The following QTGAL variants were observed in gnomAD, a reference collection of about 807,000 sequenced individuals.
QTGAL encodes queuosine-tRNA galactosyltransferase, also known as BGnT-like protein 1.
At chr17:82,965,948 G>A in the QTGAL span, among the ~76,000 whole-genome samples, 4 of 152,116 alleles carry the variant, frequency 2.6e-5, no homozygotes, top group African/African-American at 4.8e-5. Flanking sequence ...GCTTCATGAC[G>A]TGGCTGACGT....
the QTGAL span, among the ~76,000 whole-genome samples, chr17:82,964,489 C>A: frequency 6.6e-6 from 1 of 152,106 alleles, no homozygotes; most frequent in Non-Finnish European, 1.5e-5. Context: ...GTATTTAAAA[C>A]GGACGCCTAC....
At chr17:82,948,222 C>A in the QTGAL span, 1 of 152,134 alleles carries the variant, frequency 6.6e-6, no homozygotes, top group African/African-American at 2.4e-5. Flanking sequence ...ACACCTGAAA[C>A]CACCATGAGA....
chr17:82,965,159 C>T, the QTGAL span, among the ~76,000 whole-genome samples: 17 of 131,516 alleles, frequency 1.3e-4, no homozygotes, highest in East Asian at 8.9e-4. Flanking sequence ...TGCACTCCCA[C>T]GGGGGGGATG....
At chr17:83,013,778 G>A in the QTGAL span, among the ~76,000 whole-genome samples, 1 of 152,156 alleles carries the variant, frequency 6.6e-6, no homozygotes, top group Non-Finnish European at 1.5e-5. Flanking sequence ...GTGGGCGCTG[G>A]ACAGTTATGG....
the QTGAL span, among the ~76,000 whole-genome samples, chr17:83,018,603 G>T: frequency 6.6e-6 from 1 of 152,344 alleles, no homozygotes. Flanking sequence ...ACATGTCAGG[G>T]TTAAAATTGG....
the QTGAL span, among the ~76,000 whole-genome samples, chr17:83,002,664 C>T: frequency 5.3e-3 from 812 of 152,310 alleles, 8 homozygotes; most frequent in African/African-American, 0.018. Flanking sequence ...AGACGGCAGC[C>T]AGTCATACCC....
the QTGAL span, among the ~76,000 whole-genome samples, chr17:82,979,162 G>A: frequency 6.6e-6 from 1 of 152,138 alleles, no homozygotes; most frequent in Non-Finnish European, 1.5e-5. Flanking sequence ...AAAAACAATA[G>A]AGGAAAGTCA....
the QTGAL span, among the ~76,000 whole-genome samples, chr17:83,047,957 T>C: frequency 6.6e-6 from 1 of 152,244 alleles, no homozygotes; most frequent in South Asian, 2.1e-4. Context: ...TTTTCTTTCT[T>C]TTTCTCTTTC....
chr17:82,957,617 G>A, the QTGAL span: 1 of 1,312,358 alleles, frequency 7.6e-7, no homozygotes, highest in South Asian at 1.5e-5. Context: ...CTGGCCCAAT[G>A]CCTAAGAGAG....
the QTGAL span, among the ~76,000 whole-genome samples, chr17:82,968,645 G>A: frequency 8.9e-3 from 1,358 of 152,292 alleles, 12 homozygotes; most frequent in African/African-American, 0.026. Context: ...GACAGACGTC[G>A]CATCTGTGGA....
chr17:83,050,674 G>T, the QTGAL span, among the ~76,000 whole-genome samples: 4 of 152,220 alleles, frequency 2.6e-5, no homozygotes, highest in African/African-American at 9.6e-5. Context: ...CTATTGGCTG[G>T]GTCTGAACCC....
At chr17:83,035,558 G>C in the QTGAL span, among the ~76,000 whole-genome samples, 2 of 125,298 alleles carry the variant, frequency 1.6e-5, no homozygotes, top group Non-Finnish European at 3.1e-5. Context: ...AGGAAAGTCA[G>C]AGAGAGACAA....
chr17:82,977,188 C>T, the QTGAL span, among the ~76,000 whole-genome samples: 1 of 152,246 alleles, frequency 6.6e-6, no homozygotes, highest in Admixed American at 6.5e-5. Flanking sequence ...TCGAGGACAC[C>T]CATGAACGGA....
chr17:82,961,034 G>A, the QTGAL span: 73 of 1,597,950 alleles, frequency 4.6e-5, no homozygotes, highest in African/African-American at 2.7e-4. Context: ...CAGGCGTCCC[G>A]GGGCCGGGCG....
chr17:82,965,919 C>T, the QTGAL span, among the ~76,000 whole-genome samples: 1 of 152,038 alleles, frequency 6.6e-6, no homozygotes, highest in Non-Finnish European at 1.5e-5. Flanking sequence ...CCCTTCTCCA[C>T]AGGGACGGGG....
At chr17:83,012,794 CT>C in the QTGAL span, among the ~76,000 whole-genome samples, 2 of 152,186 alleles carry the variant, frequency 1.3e-5, no homozygotes, top group South Asian at 2.1e-4. Context: ...CATTTTCCCC[CT>C]ATTCCCCACA....
the QTGAL span, among the ~76,000 whole-genome samples, chr17:82,960,055 T>C: frequency 6.6e-6 from 1 of 152,166 alleles, no homozygotes; most frequent in Non-Finnish European, 1.5e-5. Context: ...GCAAAGGAGC[T>C]GAAGTGTCAG....
At chr17:82,956,712 C>T in the QTGAL span, 332 of 1,586,088 alleles carry the variant, frequency 2.1e-4, no homozygotes, top group African/African-American at 3.5e-3. This position sits in a 1 kb window ranked among gnomAD's most constrained non-coding sequence, Gnocchi z 5.7. Flanking sequence ...ACGCAGATGA[C>T]GAAGGGTGGC....
At chr17:82,973,173 C>A in the QTGAL span, among the ~76,000 whole-genome samples, 1 of 152,120 alleles carries the variant, frequency 6.6e-6, no homozygotes, top group African/African-American at 2.4e-5. Flanking sequence ...TGTACCGAGA[C>A]CAAAGGAACC....
Sources: allele counts gnomAD v4.1 joint callset (sites outside exome capture counted in the v4.1 genomes callset), GRCh38; gene constraint gnomAD v4.1.1; non-coding constraint Gnocchi (gnomAD v3.1); transcripts MANE v1.5; gene names NCBI Gene and HGNC (gene_info 2026-07-23, HGNC 2026-07-21).